AGPAT3: variants seen among roughly 807,000 people sequenced by gnomAD.
The protein encoded by AGPAT3 is 1-acylglycerol-3-phosphate O-acyltransferase 3.
In AGPAT3, 5 loss-of-function variants were observed where a neutral mutation model predicts 47.3. That is an observed-to-expected ratio of 0.11 (90% CI 0.06 to 0.22). AGPAT3 has a LOEUF of 0.22. Among genes scored for constraint, AGPAT3 ranks in the 10% least tolerant of loss-of-function variants. AGPAT3 has a pLI of 1.00. For synonymous variants in AGPAT3, 212 were observed against 208.3 expected (o/e 1.02, Z -0.15); for missense variants, 315 against 493.0 (o/e 0.64, Z 3.42).
intron 1 of AGPAT3, among the ~76,000 whole-genome samples, chr21:43,901,489 A>C (rs2086355396): frequency 6.6e-6 from 1 of 152,124 alleles, no homozygotes; most frequent in African/African-American, 2.4e-5. Flanking sequence ...AAGATATAAA[A>C]AAAAGACCTA....
At chr21:43,883,358 CGGT>C (rs1569044243) in intron 1 of AGPAT3, among the ~76,000 whole-genome samples, 2 of 152,246 alleles carry the variant, frequency 1.3e-5, no homozygotes, top group Non-Finnish European at 2.9e-5. Context: ...CCTCCGACAC[CGGT>C]TCTGAGCCTC....
chr21:43,982,353 C>A lies in AGPAT3; in HGVS notation c.1092C>A (p.Gly364=). The part of the protein sequence containing the change: ...RLIGVTEIEK[G]SSYGNQEFKK... ...TAGGAGTAACTGAGATAGAAAAAGGCTCCAGCTACGGAAACCAAGAGTTTA... is the reference window on the plus strand; with the variant it reads ...TAGGAGTAACTGAGATAGAAAAAGGATCCAGCTACGGAAACCAAGAGTTTA... Residue 364 remains glycine (G), a synonymous_variant, in exon 10 of 10, where the codon GGC becomes GGA. Coordinates refer to ENST00000291572, the MANE Select transcript of AGPAT3 (RefSeq NM_020132.5). This position sits in a 1 kb window ranked among gnomAD's most constrained non-coding sequence, Gnocchi z 6.2. The A allele has an allele frequency of 6.2e-7, 1 of 1,614,108 alleles. No homozygotes were observed. Among genetic ancestry groups the A allele is most frequent in the Non-Finnish European group, 8.5e-7 (1 of 1,179,952 alleles).
intron 2 of AGPAT3, among the ~76,000 whole-genome samples, chr21:43,951,905 G>C (rs1022863893): frequency 6.6e-6 from 1 of 152,192 alleles, no homozygotes. Context: ...CGGAAAGGTT[G>C]GGGATTTTGG....
At chr21:43,973,079 A>G (rs1342890041) in intron 7 of AGPAT3, among the ~76,000 whole-genome samples, 5 of 152,234 alleles carry the variant, frequency 3.3e-5, no homozygotes, top group Non-Finnish European at 7.3e-5. Flanking sequence ...GCCGTACTAT[A>G]GGAGGTTTCC....
chr21:43,906,159 G>A (rs572447811), intron 2 of AGPAT3, among the ~76,000 whole-genome samples: 1 of 152,162 alleles, frequency 6.6e-6, no homozygotes, highest in African/African-American at 2.4e-5. Context: ...TGTCTTTTGG[G>A]GCTAGTAGTA....
intron 2 of AGPAT3, among the ~76,000 whole-genome samples, chr21:43,940,145 A>C (rs549986742): frequency 1.1e-3 from 174 of 152,196 alleles, no homozygotes; most frequent in African/African-American, 3.4e-3. Context: ...CCAGGTCCTA[A>C]TCCCTCCGCT....
chr21:43,914,191 C>A (rs543117757), intron 2 of AGPAT3, among the ~76,000 whole-genome samples: 7 of 152,192 alleles, frequency 4.6e-5, no homozygotes, highest in African/African-American at 9.6e-5. Context: ...TTGGAACCCC[C>A]CTGCCTGCGA....
chr21:43,927,268 TG>T lies in AGPAT3; in HGVS notation c.-49+23250del, dbSNP rs573169484. Among the ~76,000 whole-genome samples, 43 of 152,348 alleles carry T rather than the reference TG, an allele frequency of 2.8e-4. No individual in the cohort carries two copies. The East Asian group carries it at 8.3e-3, about 29-fold the overall frequency. On this transcript the variant is annotated intron_variant, in intron 2 of 9. Coordinates refer to ENST00000291572, the MANE Select transcript of AGPAT3 (RefSeq NM_020132.5). Reference sequence around the variant, plus strand: ...TACAAAATCTTGTATTTTTAATTTTTGTGGGTACATAGTAGGTATATATATT... The same window carrying T: ...TACAAAATCTTGTATTTTTAATTTTTTGGGTACATAGTAGGTATATATATT...
intron 3 of AGPAT3, among the ~76,000 whole-genome samples, 187 bp downstream of exon 3, chr21:43,960,046 C>T (rs900969776): frequency 6.6e-6 from 1 of 152,206 alleles, no homozygotes; most frequent in Non-Finnish European, 1.5e-5. Context: ...AGCTGTGTGA[C>T]GTGCCACTCT....
At chr21:43,971,306 C>T (rs2089384267) in intron 6 of AGPAT3, 82 bp from the exon 7 acceptor site, 2 of 1,264,220 alleles carry the variant, frequency 1.6e-6, no homozygotes, top group Admixed American at 1.7e-5. Context: ...GGCCGGGTCC[C>T]AGGTGGAACT....
At chr21:43,949,848 G>A (rs75084694) in intron 2 of AGPAT3, among the ~76,000 whole-genome samples, 1 of 152,228 alleles carries the variant, frequency 6.6e-6, no homozygotes, top group Non-Finnish European at 1.5e-5. Context: ...CTGTGGAGGG[G>A]TGGTCTGCTG....
In AGPAT3 at chr21:43,959,795, C is replaced by G; in HGVS notation, c.114C>G (p.Leu38=). 1.9e-6 allele frequency: 3 copies of G among 1,613,362 alleles called. No individual in the cohort carries two copies. Among genetic ancestry groups the G allele is most frequent in the South Asian group, 1.1e-5 (1 of 91,086 alleles). ...INFVQLCTLA[L]WPVSKQLYRR... Reference sequence around the variant, plus strand: ...TCGTCCAGCTGTGCACGCTGGCGCTCTGGCCGGTCAGCAAGCAGCTCTACC... The same window carrying G: ...TCGTCCAGCTGTGCACGCTGGCGCTGTGGCCGGTCAGCAAGCAGCTCTACC... Residue 38 remains leucine (L), a synonymous_variant, in exon 3 of 10, where the codon CTC becomes CTG. Coordinates refer to ENST00000291572, the MANE Select transcript of AGPAT3 (RefSeq NM_020132.5).
At chr21:43,870,427 T>C (rs923342916) in intron 1 of AGPAT3, among the ~76,000 whole-genome samples, 2 of 152,182 alleles carry the variant, frequency 1.3e-5, no homozygotes, top group East Asian at 3.9e-4. Flanking sequence ...AGTGAATTAT[T>C]GGGTCCCCGG....
chr21:43,955,081 T>C lies in AGPAT3; in HGVS notation c.-48-4553T>C. The C allele has an allele frequency of 8.0e-7, 1 of 1,248,148 alleles. No individual in the cohort carries two copies. 77.3% of individuals were successfully genotyped at this position (1,248,148 alleles called of 1,614,324 possible). A position where few individuals can be genotyped will look rare whatever the true frequency, so the allele number is the denominator to read the frequency against. On this transcript the variant is annotated intron_variant, in intron 2 of 9. Coordinates refer to ENST00000291572, the MANE Select transcript of AGPAT3 (RefSeq NM_020132.5). This position sits in a 1 kb window ranked among gnomAD's most constrained non-coding sequence, Gnocchi z 4.1. ...CCCCAAAGGCTGGGTGCCAGCTGCCTGTCGGCAGGGAGCGTATCACCGTGG... is the reference window on the plus strand; with the variant it reads ...CCCCAAAGGCTGGGTGCCAGCTGCCCGTCGGCAGGGAGCGTATCACCGTGG...
In AGPAT3 at chr21:43,934,710, T is replaced by C. The variant is rs2087373627; in HGVS notation, c.-48-24924T>C. On this transcript the variant is annotated intron_variant, in intron 2 of 9. Coordinates refer to ENST00000291572, the MANE Select transcript of AGPAT3 (RefSeq NM_020132.5). This position sits in a 1 kb window ranked among gnomAD's most constrained non-coding sequence, Gnocchi z 4.7. The stretch of plus-strand genomic sequence containing the variant: ...GGAGCACGAGGAGGCCACGTGCCCA[T>C]GGTGGAGGAGCCACAGCACAAAGCA... 1.3e-5 allele frequency among the ~76,000 whole-genome samples: 2 copies of C among 152,076 alleles called. No individual in the cohort carries two copies. Among genetic ancestry groups the C allele is most frequent in the Admixed American group, 1.3e-4 (2 of 15,262 alleles).
Position 43,969,207 on chromosome 21 carries a change from G to A in AGPAT3, c.438G>A (p.Arg146=). 1 of 1,614,240 alleles carries A rather than the reference G, an allele frequency of 6.2e-7. No individual in the cohort carries two copies. Among genetic ancestry groups the A allele is most frequent in the South Asian group, 1.1e-5 (1 of 91,090 alleles). The change falls in exon 5 of 10, where the codon CGG becomes CGA. Residue 146 remains arginine, a synonymous_variant. Transcript: ENST00000291572. ...TTCTGGAGATTGTGTTCTGCAAGCG[G>A]AAGTGGGAGGAGGACCGGGACACCG... ...WYFLEIVFCK[R]KWEEDRDTVV... is the part of the protein sequence containing the mutation.
intron 2 of AGPAT3, among the ~76,000 whole-genome samples, chr21:43,911,585 C>A (rs1231753954): frequency 1.3e-5 from 2 of 152,196 alleles, no homozygotes; most frequent in Non-Finnish European, 2.9e-5. Context: ...CTGTCTGGTG[C>A]CGTTCATAAG....
At chr21:43,911,511 G>A (rs889553961) in intron 2 of AGPAT3, among the ~76,000 whole-genome samples, 2 of 152,226 alleles carry the variant, frequency 1.3e-5, no homozygotes, top group African/African-American at 2.4e-5. Flanking sequence ...GGGTGACCCC[G>A]CCTGGCCCAG....
intron 7 of AGPAT3, among the ~76,000 whole-genome samples, chr21:43,975,553 G>A (rs1041071374): frequency 5.3e-5 from 8 of 152,162 alleles, no homozygotes; most frequent in African/African-American, 1.7e-4. Flanking sequence ...TGTGAGGCGC[G>A]TGACCCTAGA....
Sources: gnomAD v4.1 joint callset for allele counts (sites outside exome capture counted in the v4.1 genomes callset) on GRCh38, gnomAD v4.1.1 for gene constraint, Gnocchi (gnomAD v3.1) non-coding constraint, MANE v1.5 for transcripts, NCBI Gene and HGNC (gene_info 2026-07-23, HGNC 2026-07-21) for gene names.